PRKG1: variants seen among roughly 807,000 people sequenced by gnomAD.
The protein encoded by PRKG1 is cGMP-dependent protein kinase 1.
A neutral mutation model predicts 88.1 loss-of-function variants in PRKG1; 35 were observed. The ratio of observed to expected loss-of-function variants is 0.40; its 90% CI spans 0.30 to 0.53. The LOEUF is 0.53. Among genes scored for constraint, PRKG1 ranks in the 20% least tolerant of loss-of-function variants. PRKG1 has a pLI of 0.59. For synonymous variants in PRKG1, 303 were observed against 292.5 expected, an observed-to-expected ratio of 1.04 and a Z score of -0.37; for missense variants, 540 against 839.8, an observed-to-expected ratio of 0.64 and a Z score of 4.41.
chr10:51,210,520 T>C (rs1430360569), intron 2 of PRKG1, among the ~76,000 whole-genome samples: 1 of 152,022 alleles, frequency 6.6e-6, no homozygotes, highest in Non-Finnish European at 1.5e-5. Flanking sequence ...AATCAATGAA[T>C]CCAGGAGCTG....
intron 2 of PRKG1, among the ~76,000 whole-genome samples, chr10:51,309,672 GAAA>G (rs147660224): frequency 0.018 from 2,725 of 152,084 alleles, 73 homozygotes; most frequent in African/African-American, 0.061. Flanking sequence ...AACCTCTATG[GAAA>G]ACAGTTTGGA....
At chr10:52,043,639 AT>A (rs1221823743) in intron 5 of PRKG1, among the ~76,000 whole-genome samples, 1 of 152,018 alleles carries the variant, frequency 6.6e-6, no homozygotes, top group African/African-American at 2.4e-5. Flanking sequence ...TCTATTTCAC[AT>A]TTTAGGTAAA....
At chr10:52,113,228 A>G (rs1434508677) in intron 7 of PRKG1, among the ~76,000 whole-genome samples, 3 of 152,178 alleles carry the variant, frequency 2.0e-5, no homozygotes, top group African/African-American at 7.2e-5. Context: ...GCATGAAATA[A>G]AAGTTTGTTG....
chr10:52,258,518 CAAG>C (rs1369960212), intron 10 of PRKG1, among the ~76,000 whole-genome samples: 1 of 151,624 alleles, frequency 6.6e-6, no homozygotes, highest in African/African-American at 2.4e-5. Context: ...GGAAAGAAGA[CAAG>C]AATAATGTAT....
At chr10:52,143,250 G>A (rs755813158) in intron 8 of PRKG1, among the ~76,000 whole-genome samples, 1 of 152,116 alleles carries the variant, frequency 6.6e-6, no homozygotes, top group Admixed American at 6.5e-5. Flanking sequence ...CTGAGGCTGA[G>A]AGTTACACCT....
At chr10:52,150,175 A>AT (rs1488556376) in intron 8 of PRKG1, among the ~76,000 whole-genome samples, 5,266 of 144,752 alleles carry the variant, frequency 0.036, 181 homozygotes, top group African/African-American at 0.082. Context: ...AATAATAATA[A>AT]TAATAATAAT....
Position 51,375,235 on chromosome 10 carries a change from GTCT to G in PRKG1, c.479-92481_479-92479del, listed in dbSNP as rs143148403. Among the ~76,000 whole-genome samples, 840 of 151,632 alleles carry G rather than the reference GTCT, an allele frequency of 5.5e-3. 3 individuals carry two copies. The highest frequency in any genetic ancestry group is 9.2e-3 in the Non-Finnish European group (625 of 68,006). On this transcript the variant is annotated intron_variant, in intron 2 of 17. Transcript: ENST00000373980. ...TTATTTAACTTGTATATGCATTGGA[GTCT>G]TCTTCTGTGAGTGAAAATAATAATA...
chr10:51,728,453 G>GT (rs56975031), intron 3 of PRKG1, among the ~76,000 whole-genome samples: 1,715 of 58,750 alleles, frequency 0.029, 82 homozygotes, highest in Admixed American at 0.072. Context: ...TTTTTTCTTT[G>GT]TTTTTTTTTT....
intron 3 of PRKG1, among the ~76,000 whole-genome samples, chr10:51,773,141 C>T (rs549335230): frequency 6.6e-6 from 1 of 152,128 alleles, no homozygotes; most frequent in South Asian, 2.1e-4. Flanking sequence ...GCTCAGTTTT[C>T]CTGTCCAACT....
chr10:51,346,344 A>G (rs1842113736), intron 2 of PRKG1, among the ~76,000 whole-genome samples: 1 of 152,236 alleles, frequency 6.6e-6, no homozygotes, highest in African/African-American at 2.4e-5. Context: ...AGATAAACGT[A>G]AGCATGTCTT....
intron 3 of PRKG1, among the ~76,000 whole-genome samples, chr10:51,585,827 A>G (rs1838158272): frequency 6.6e-6 from 1 of 152,204 alleles, no homozygotes; most frequent in South Asian, 2.1e-4. Flanking sequence ...AGCAACGTGA[A>G]TGGAGCTGAG....
intron 5 of PRKG1, among the ~76,000 whole-genome samples, chr10:51,947,456 G>A (rs7895298): frequency 0.097 from 12,715 of 131,516 alleles, 1,458 homozygotes; most frequent in African/African-American, 0.28. Context: ...CTCGCGCATG[G>A]TGCGCTGCAC....
chr10:51,595,546 C>T (rs1470646056), intron 3 of PRKG1, among the ~76,000 whole-genome samples: 1 of 148,620 alleles, frequency 6.7e-6, no homozygotes, highest in Non-Finnish European at 1.5e-5. Context: ...AGGAGAATCG[C>T]TTGAACCTGG....
At chr10:51,978,499 A>G (rs533677574) in intron 5 of PRKG1, among the ~76,000 whole-genome samples, 1 of 150,492 alleles carries the variant, frequency 6.6e-6, no homozygotes, top group South Asian at 2.1e-4. Context: ...TCTGTGAAGA[A>G]TGTCATTGGT....
intron 3 of PRKG1, among the ~76,000 whole-genome samples, chr10:51,639,237 A>G (rs1839732592): frequency 6.6e-6 from 1 of 151,930 alleles, no homozygotes; most frequent in South Asian, 2.1e-4. Context: ...GATCGAGACC[A>G]TCCTGGCTAA....
intron 1 of PRKG1, among the ~76,000 whole-genome samples, chr10:51,133,308 C>T (rs1271177235): frequency 6.6e-6 from 1 of 152,200 alleles, no homozygotes; most frequent in Non-Finnish European, 1.5e-5. Context: ...CTGTGCCCCT[C>T]TTGCAAAGCA....
At chr10:50,990,930 G>C (rs956843395) in exon 1 of PRKG1, 1 of 146,108 alleles carries the variant, frequency 6.8e-6, no homozygotes, top group Non-Finnish European at 1.4e-5. Context: ...AGTTTTGTGT[G>C]ATGGAGTGGG....
At chr10:51,334,808 A>C (rs1164464667) in intron 2 of PRKG1, among the ~76,000 whole-genome samples, 2 of 152,142 alleles carry the variant, frequency 1.3e-5, no homozygotes, top group East Asian at 3.9e-4. Context: ...CATGGTGACT[A>C]AAGGAGCCCT....
chr10:52,150,359 C>T lies in PRKG1; in HGVS notation c.1002-11530C>T, dbSNP rs116643272. On this transcript the variant is annotated intron_variant, in intron 8 of 17. Transcript: ENST00000373980. ...GAAACAGGTTGCCTTGGTTCAAATC[C>T]CAGTGTTGACACTTACTAGACATGT... is the stretch of plus-strand genomic sequence containing the variant. Among the ~76,000 whole-genome samples, 222 of 151,918 alleles carry T rather than the reference C, an allele frequency of 1.5e-3. 1 individual carries two copies. The highest frequency in any genetic ancestry group is 5.0e-3 in the African/African-American group (206 of 41,436).
Sources: allele counts gnomAD v4.1 joint callset (sites outside exome capture counted in the v4.1 genomes callset), GRCh38; gene constraint gnomAD v4.1.1; transcripts MANE v1.5; gene names NCBI Gene and HGNC (gene_info 2026-07-23, HGNC 2026-07-21).